The following AP4E1 variants were observed in gnomAD, a reference collection of about 807,000 sequenced individuals.
The protein encoded by AP4E1 is adaptor related protein complex 4 subunit epsilon 1.
Under a neutral mutation model 128.2 loss-of-function variants are expected in AP4E1, and 56 were observed. The observed-to-expected ratio is 0.44, with a 90% confidence interval of 0.35 to 0.55. AP4E1 has a LOEUF of 0.55. Ranked by LOEUF, AP4E1 falls within the 20% of genes least tolerant of loss-of-function variation. AP4E1 has a pLI of 0.00. For missense variants in AP4E1, 1,324 were observed against 1,307.7 expected, an observed-to-expected ratio of 1.01 and a Z score of -0.19; for synonymous variants, 484 against 473.1, an observed-to-expected ratio of 1.02 and a Z score of -0.30.
Position 50,984,099 on chromosome 15 carries a change from C to G in AP4E1, c.2044C>G (p.Leu682Val), listed in dbSNP as rs375439683. 3.2e-5 allele frequency: 52 copies of G among 1,613,392 alleles called. No homozygotes were observed. Among genetic ancestry groups the G allele is most frequent in the Middle Eastern group, 1.6e-4 (1 of 6,080 alleles). ...TGRQSPAGIS[L>V]GSDVSGNSAE... Reference sequence around the variant, plus strand: ...ACGACAGTCTCCTGCTGGCATTTCTCTTGGTTCAGATGTATCTGGGAATAG... The same window carrying G: ...ACGACAGTCTCCTGCTGGCATTTCTGTTGGTTCAGATGTATCTGGGAATAG... The change falls in exon 16 of 21, where the codon CTT becomes GTT. Residue 682 changes from leucine to valine, a missense_variant. Leu to Val is a conservative substitution (Grantham distance 32). Transcript: ENST00000261842.
At chr15:50,932,120 C>T (rs1401926150) in intron 7 of AP4E1, among the ~76,000 whole-genome samples, 1 of 152,052 alleles carries the variant, frequency 6.6e-6, no homozygotes, top group Non-Finnish European at 1.5e-5. Flanking sequence ...GCTGGGATTA[C>T]AGGCGCACAC....
chr15:50,932,411 G>A (rs1427389045), intron 7 of AP4E1, among the ~76,000 whole-genome samples: 1 of 152,140 alleles, frequency 6.6e-6, no homozygotes, highest in African/African-American at 2.4e-5. Context: ...CTCTGTGTGT[G>A]CATGTGTGTA....
chr15:50,917,554 C>G (rs566568465), intron 3 of AP4E1, among the ~76,000 whole-genome samples: 2 of 152,070 alleles, frequency 1.3e-5, no homozygotes, highest in Non-Finnish European at 2.9e-5. Flanking sequence ...AATAAATTAG[C>G]CTTCAATAGT....
intron 1 of AP4E1, 130 bp from the exon 2 acceptor site, chr15:50,911,948 G>C (rs2063571675): frequency 7.6e-6 from 6 of 786,106 alleles, no homozygotes; most frequent in Non-Finnish European, 1.1e-5. Context: ...GATAGTATTT[G>C]TAACTCTCCT....
At chr15:50,939,300 CT>C (rs2141171757) in intron 8 of AP4E1, among the ~76,000 whole-genome samples, 1 of 152,150 alleles carries the variant, frequency 6.6e-6, no homozygotes, top group Admixed American at 6.5e-5. Flanking sequence ...TGGTGAAACC[CT>C]GTCTCTACTA....
In AP4E1 at chr15:50,941,728, A is replaced by G. The variant is rs767343153; in HGVS notation, c.1129A>G (p.Thr377Ala). 27 of 1,613,282 alleles carry G rather than the reference A, an allele frequency of 1.7e-5. No homozygotes were observed. Among genetic ancestry groups the G allele is most frequent in the Non-Finnish European group, 2.2e-5 (26 of 1,179,426 alleles). ...TACTCTGGCTCTTCAACACCAGATG[A>G]CAATAATTGAATGTTTAGATCATCC... The part of the protein sequence containing the change: ...DPTLALQHQM[T>A]IIECLDHPDP... The change falls in exon 10 of 21, where the codon ACA becomes GCA. Residue 377 changes from threonine (T) to alanine (A), a missense_variant. Transcript: ENST00000261842.
intron 1 of AP4E1, among the ~76,000 whole-genome samples, chr15:50,911,837 T>C (rs976599340): frequency 6.6e-6 from 1 of 152,118 alleles, no homozygotes; most frequent in Non-Finnish European, 1.5e-5. Context: ...GGGAAGTAAC[T>C]GAGTAAAGAA....
At position 50,923,987 on chromosome 15, in the gene AP4E1, G is replaced by T; in HGVS notation, c.403G>T (p.Val135Leu). ...AAGTCATGAATTATTGCTTCTCCTT[G>T]TGAATACAGTTGTAAAGGTATTGTA... ...HESHELLLLL[V>L]NTVVKDLQST... The change falls in exon 4 of 21, where the codon GTG (valine) becomes TTG (leucine). Residue 135 changes from valine to leucine, a missense_variant. By Grantham distance (32) the Val-to-Leu change is conservative. Coordinates refer to ENST00000261842, the MANE Select transcript of AP4E1 (RefSeq NM_007347.5). 6.2e-7 allele frequency: 1 copy of T among 1,609,264 alleles called. No homozygotes were observed. The highest frequency in any genetic ancestry group is 8.5e-7 in the Non-Finnish European group (1 of 1,176,026).
chr15:50,928,227 AT>A (rs1419284741), intron 5 of AP4E1, among the ~76,000 whole-genome samples: 6 of 152,262 alleles, frequency 3.9e-5, no homozygotes, highest in African/African-American at 1.4e-4. Context: ...ATATATATAT[AT>A]AAAAAAGAAA....
rs1200968817 is a variant in AP4E1 at position 51,004,892 on chromosome 15, T to C, written c.*2230T>C. 2 of 152,072 alleles carry C rather than the reference T, an allele frequency of 1.3e-5. No homozygotes were observed. Among genetic ancestry groups the C allele is most frequent in the Non-Finnish European group, 2.9e-5 (2 of 68,028 alleles). The allele number at this position is 152,072 out of a possible 1,614,324, so 9.4% of individuals were successfully genotyped here. A position where few individuals can be genotyped will look rare whatever the true frequency, so the allele number is the denominator to read the frequency against. On this transcript the variant is annotated 3_prime_UTR_variant, in exon 21 of 21. Coordinates refer to ENST00000261842, the MANE Select transcript of AP4E1 (RefSeq NM_007347.5). The stretch of plus-strand genomic sequence containing the variant: ...AGATGTGACTGTAAAGTAGGGAGTT[T>C]TTTTTTTTGAGACAGAGTTTCACCC...
At chr15:50,945,369 A>G in intron 10 of AP4E1, 1 of 779,432 alleles carries the variant, frequency 1.3e-6, no homozygotes, top group Non-Finnish European at 2.4e-6. Flanking sequence ...AAAAGGTTAT[A>G]TTAGATATGA....
chr15:50,949,336 C>A (rs1231431705), intron 11 of AP4E1, among the ~76,000 whole-genome samples: 1 of 151,192 alleles, frequency 6.6e-6, no homozygotes, highest in African/African-American at 2.4e-5. Context: ...TTGCTTGAAC[C>A]CAGGAGGCGG....
At chr15:50,931,700 A>G (rs954307004) in intron 7 of AP4E1, among the ~76,000 whole-genome samples, 1 of 152,222 alleles carries the variant, frequency 6.6e-6, no homozygotes, top group Admixed American at 6.5e-5. Context: ...CATTATGGAC[A>G]TTAAAACTTG....
At chr15:50,986,366 G>A (rs1053977698) in intron 16 of AP4E1, among the ~76,000 whole-genome samples, 7 of 152,174 alleles carry the variant, frequency 4.6e-5, no homozygotes, top group Admixed American at 3.9e-4. Flanking sequence ...TGGTGAGAGA[G>A]GGCATCCCTG....
chr15:50,978,201 C>CA (rs2064584730), intron 15 of AP4E1, among the ~76,000 whole-genome samples: 1 of 151,526 alleles, frequency 6.6e-6, no homozygotes, highest in Non-Finnish European at 1.5e-5. Flanking sequence ...AAGTTCCCAT[C>CA]AAAAAAAGCA....
At chr15:50,960,569 G>T (rs1465049211) in intron 14 of AP4E1, among the ~76,000 whole-genome samples, 3 of 151,970 alleles carry the variant, frequency 2.0e-5, no homozygotes, top group African/African-American at 7.2e-5. Context: ...AAAATTTCTT[G>T]AATCTAATAA....
At chr15:50,936,995 C>G (rs2141168619) in intron 8 of AP4E1, among the ~76,000 whole-genome samples, 1 of 152,112 alleles carries the variant, frequency 6.6e-6, no homozygotes, top group East Asian at 1.9e-4. Context: ...TTTGCAGGCT[C>G]TTGGTCCAGT....
At chr15:50,996,240 C>T (rs959882356) in intron 17 of AP4E1, among the ~76,000 whole-genome samples, 5 of 150,732 alleles carry the variant, frequency 3.3e-5, no homozygotes, top group African/African-American at 7.3e-5. Context: ...TCAAGTGATC[C>T]GCCTGCTTCA....
At chr15:51,001,490 T>C (rs760808913) in intron 20 of AP4E1, among the ~76,000 whole-genome samples, 32 of 152,222 alleles carry the variant, frequency 2.1e-4, no homozygotes, top group Non-Finnish European at 4.7e-4. Flanking sequence ...TGGAACACTA[T>C]ACCCATTAAA....
Sources: allele counts gnomAD v4.1 joint callset (sites outside exome capture counted in the v4.1 genomes callset), GRCh38; gene constraint gnomAD v4.1.1; transcripts MANE v1.5; gene names NCBI Gene and HGNC (gene_info 2026-07-23, HGNC 2026-07-21).